Variants in TMEM272 observed in about 807,000 individuals in gnomAD.
TMEM272 encodes the protein long intergenic non-protein coding RNA 282.
A neutral mutation model predicts 3.7 loss-of-function variants in TMEM272; 8 were observed. The ratio of observed to expected loss-of-function variants is 2.17; its 90% CI spans 1.27 to 3.91. The LOEUF (loss-of-function observed/expected upper bound fraction) is 3.91. Ranked by LOEUF, TMEM272 falls within the 30% of genes most tolerant of loss-of-function variation. TMEM272 has a pLI of 0.00. For missense variants in TMEM272, 166 were observed against 91.5 expected (o/e 1.81, Z -3.32); for synonymous variants, 63 against 39.8 (o/e 1.58, Z -2.20).
the TMEM272 span, chr13:51,909,117 A>C: frequency 6.9e-7 from 1 of 1,456,392 alleles, no homozygotes; most frequent in Non-Finnish European, 9.6e-7. Context: ...TGGAACATCA[A>C]GTGCATAAGG....
the TMEM272 span, among the ~76,000 whole-genome samples, chr13:51,912,876 A>G: frequency 6.6e-6 from 1 of 152,244 alleles, no homozygotes; most frequent in Admixed American, 6.5e-5. Flanking sequence ...TAGGAATCTG[A>G]AAAGTTAGAC....
At chr13:51,873,778 C>T in the TMEM272 span, among the ~76,000 whole-genome samples, 4 of 152,196 alleles carry the variant, frequency 2.6e-5, no homozygotes, top group Admixed American at 2.6e-4. Context: ...CTTCTAGGGT[C>T]CCTCTTCTAC....
the TMEM272 span, chr13:51,910,618 C>T: frequency 8.8e-5 from 51 of 578,676 alleles, no homozygotes; most frequent in African/African-American, 7.4e-4. Flanking sequence ...CTAGGCTCCT[C>T]CATAGTGCCA....
At chr13:51,911,780 A>C in the TMEM272 span, among the ~76,000 whole-genome samples, 2 of 152,104 alleles carry the variant, frequency 1.3e-5, no homozygotes, top group African/African-American at 4.8e-5. Context: ...TCCCTTGCCC[A>C]CAGCCTCCAT....
At chr13:51,876,728 A>T in the TMEM272 span, among the ~76,000 whole-genome samples, 54 of 152,290 alleles carry the variant, frequency 3.5e-4, no homozygotes, top group African/African-American at 1.3e-3. Context: ...GTATTGGGAA[A>T]CCATTAAAGG....
At chr13:51,919,311 C>T in the TMEM272 span, among the ~76,000 whole-genome samples, 1 of 152,208 alleles carries the variant, frequency 6.6e-6, no homozygotes, top group East Asian at 1.9e-4. Context: ...CCCTGACCCA[C>T]TACCCAGATT....
At chr13:51,917,624 G>C in the TMEM272 span, among the ~76,000 whole-genome samples, 1 of 152,156 alleles carries the variant, frequency 6.6e-6, no homozygotes, top group Non-Finnish European at 1.5e-5. Flanking sequence ...GTGTTCCTCA[G>C]GGCTGTGTAG....
the TMEM272 span, among the ~76,000 whole-genome samples, chr13:51,928,816 C>A: frequency 6.6e-6 from 1 of 152,120 alleles, no homozygotes; most frequent in Admixed American, 6.5e-5. Context: ...GACCCAAACA[C>A]AGGTGGTAGA....
chr13:51,850,264 C>T, the TMEM272 span, among the ~76,000 whole-genome samples: 10 of 152,138 alleles, frequency 6.6e-5, no homozygotes, highest in Non-Finnish European at 1.3e-4. Flanking sequence ...AGCCAAATCA[C>T]CTATTAAGTA....
chr13:51,918,160 A>C, the TMEM272 span, among the ~76,000 whole-genome samples: 6 of 152,248 alleles, frequency 3.9e-5, no homozygotes, highest in African/African-American at 1.4e-4. Context: ...GCATTTCTTG[A>C]ATGTTTCTCT....
intron 2 of TMEM272, among the ~76,000 whole-genome samples, chr13:51,829,589 C>T (rs1305298275): frequency 6.6e-6 from 1 of 152,232 alleles, no homozygotes; most frequent in East Asian, 1.9e-4. Context: ...GTCGATGAAT[C>T]CTATTCTGCA....
chr13:51,920,356 G>T, the TMEM272 span, among the ~76,000 whole-genome samples: 1 of 152,182 alleles, frequency 6.6e-6, no homozygotes, highest in African/African-American at 2.4e-5. Flanking sequence ...TTCCACTCCT[G>T]CTCTGTGCCA....
the TMEM272 span, among the ~76,000 whole-genome samples, chr13:51,916,074 A>G: frequency 6.6e-6 from 1 of 152,192 alleles, no homozygotes; most frequent in Non-Finnish European, 1.5e-5. Context: ...CCTCTTCTCA[A>G]AAAGAAGAAA....
chr13:51,897,700 G>C, the TMEM272 span, among the ~76,000 whole-genome samples: 1 of 151,806 alleles, frequency 6.6e-6, no homozygotes, highest in Admixed American at 6.6e-5. Flanking sequence ...GCCGAGGTGG[G>C]TATATCACCT....
the TMEM272 span, among the ~76,000 whole-genome samples, chr13:51,875,855 T>C: frequency 1.3e-5 from 2 of 152,156 alleles, no homozygotes; most frequent in Admixed American, 1.3e-4. Context: ...GGGAGACAGC[T>C]GTCTTTTCCT....
At chr13:51,892,783 G>T in the TMEM272 span, among the ~76,000 whole-genome samples, 952 of 152,226 alleles carry the variant, frequency 6.3e-3, 8 homozygotes, top group African/African-American at 0.021. Context: ...CACAGTTCCT[G>T]GGTCTGGTGG....
intron 2 of TMEM272, among the ~76,000 whole-genome samples, chr13:51,835,727 A>G (rs755023245): frequency 1.3e-5 from 2 of 152,242 alleles, no homozygotes; most frequent in African/African-American, 2.4e-5. Context: ...AAGACATATT[A>G]ATTATGAAAA....
chr13:51,870,328 A>G, the TMEM272 span, among the ~76,000 whole-genome samples: 35 of 152,300 alleles, frequency 2.3e-4, no homozygotes, highest in East Asian at 6.8e-3. Flanking sequence ...TACACATAGA[A>G]AGGGTCTTTA....
chr13:51,834,083 G>A (rs1341697997), intron 2 of TMEM272, among the ~76,000 whole-genome samples: 4 of 152,120 alleles, frequency 2.6e-5, no homozygotes, highest in African/African-American at 7.2e-5. Flanking sequence ...GCTTGACACC[G>A]GTGCTGACCT....
Sources: allele counts gnomAD v4.1 joint callset (sites outside exome capture counted in the v4.1 genomes callset), GRCh38; gene constraint gnomAD v4.1.1; transcripts MANE v1.5; gene names NCBI Gene and HGNC (gene_info 2026-07-23, HGNC 2026-07-21).